Variants in OSBPL10 observed in about 807,000 individuals in gnomAD.
The protein encoded by OSBPL10 is oxysterol-binding protein-related protein 10.
In OSBPL10, 49 loss-of-function variants were observed where a neutral mutation model predicts 81.7. The observed-to-expected ratio is 0.60, with a 90% CI of 0.48 to 0.76. OSBPL10 has a LOEUF of 0.76. Among genes scored for constraint, OSBPL10 ranks in the 30% least tolerant of loss-of-function variants. The probability of loss-of-function intolerance (pLI) is 0.00; values close to 1 mark genes in which losing one functional copy is unlikely to be tolerated. For missense variants in OSBPL10, 923 were observed against 987.8 expected (o/e 0.93, Z 0.88); for synonymous variants, 419 against 383.6 (o/e 1.09, Z -1.08).
intron 2 of OSBPL10, among the ~76,000 whole-genome samples, chr3:32,019,890 A>G (rs1036228245): frequency 1.3e-5 from 2 of 152,162 alleles, no homozygotes; most frequent in East Asian, 1.9e-4. Flanking sequence ...ATAAAGTATA[A>G]CTATCAATCT....
intron 4 of OSBPL10, among the ~76,000 whole-genome samples, chr3:31,773,704 G>C (rs900248028): frequency 3.9e-5 from 6 of 152,322 alleles, no homozygotes; most frequent in African/African-American, 1.4e-4. Flanking sequence ...GAATACTCAT[G>C]AGTGTGGCTG....
intron 1 of OSBPL10, among the ~76,000 whole-genome samples, chr3:31,944,833 TAAAAAAAAAAAAAAAAAA>T (rs869140991): frequency 0.1 from 5,627 of 55,102 alleles, 334 homozygotes; most frequent in Middle Eastern, 0.13. Flanking sequence ...CCCCTCTCTT[TAAAAAAAAAAAAAAAAAA>T]AAAAAAAAAA....
At chr3:31,792,718 ACT>A (rs1699050741) in intron 4 of OSBPL10, among the ~76,000 whole-genome samples, 2 of 138,622 alleles carry the variant, frequency 1.4e-5, no homozygotes, top group South Asian at 4.7e-4. Flanking sequence ...TGTGTTTTAC[ACT>A]CTCAGCTATC....
At chr3:31,965,552 ATT>A (rs1559534901) in intron 1 of OSBPL10, among the ~76,000 whole-genome samples, 11 of 80,996 alleles carry the variant, frequency 1.4e-4, no homozygotes, top group East Asian at 1.0e-3. Context: ...TATATTATAT[ATT>A]ATATAAATTA....
intron 1 of OSBPL10, among the ~76,000 whole-genome samples, chr3:31,919,766 A>T (rs757984289): frequency 1.3e-5 from 2 of 152,218 alleles, no homozygotes; most frequent in East Asian, 3.8e-4. Context: ...AATAGCAATC[A>T]CTATCCTGGG....
intron 6 of OSBPL10, among the ~76,000 whole-genome samples, chr3:31,731,231 G>A (rs564949968): frequency 2.6e-5 from 4 of 152,022 alleles, no homozygotes; most frequent in Admixed American, 6.6e-5. Flanking sequence ...AAAAATGAGG[G>A]GAGTCTTTGC....
intron 1 of OSBPL10, chr3:31,960,265 G>A (rs947991775): frequency 6.6e-6 from 1 of 152,058 alleles, no homozygotes; most frequent in Admixed American, 6.6e-5. Flanking sequence ...TGGGCCCCTG[G>A]GTGCCAAAGG....
chr3:31,896,886 T>A (rs906860121), intron 1 of OSBPL10, among the ~76,000 whole-genome samples: 1 of 152,118 alleles, frequency 6.6e-6, no homozygotes, highest in African/African-American at 2.4e-5. Flanking sequence ...GGGTCCCTGG[T>A]TACACTTCAG....
chr3:31,872,167 T>C (rs1272717699), intron 3 of OSBPL10, among the ~76,000 whole-genome samples: 1 of 152,132 alleles, frequency 6.6e-6, no homozygotes, highest in South Asian at 2.1e-4. Flanking sequence ...CTATGTGACA[T>C]GGAGAAAAGG....
At chr3:31,771,890 C>G (rs768516816) in intron 4 of OSBPL10, among the ~76,000 whole-genome samples, 4 of 152,082 alleles carry the variant, frequency 2.6e-5, no homozygotes, top group Admixed American at 2.0e-4. Flanking sequence ...GTTATTGGGC[C>G]GCAAGAATAA....
At chr3:31,890,969 G>A (rs1283394092) in intron 1 of OSBPL10, among the ~76,000 whole-genome samples, 1 of 152,124 alleles carries the variant, frequency 6.6e-6, no homozygotes, top group Non-Finnish European at 1.5e-5. Flanking sequence ...TGGGGTAAAA[G>A]TGGGTGAGCA....
intron 1 of OSBPL10, among the ~76,000 whole-genome samples, chr3:32,052,411 C>A (rs1699676762): frequency 6.6e-6 from 1 of 152,126 alleles, no homozygotes; most frequent in African/African-American, 2.4e-5. Flanking sequence ...CATCAAGGAT[C>A]TAGAACCAGA....
chr3:31,741,086 C>A (rs113394649), intron 5 of OSBPL10, among the ~76,000 whole-genome samples: 2 of 152,094 alleles, frequency 1.3e-5, no homozygotes, highest in South Asian at 2.1e-4. Context: ...ACCTACAAGG[C>A]CCCTGCAAGG....
intron 2 of OSBPL10, among the ~76,000 whole-genome samples, chr3:32,010,734 C>T (rs1366173360): frequency 6.6e-6 from 1 of 152,222 alleles, no homozygotes; most frequent in Non-Finnish European, 1.5e-5. Context: ...AATCAGGTCA[C>T]TCCCACCCTA....
rs973469091 is a variant in OSBPL10, at chr3:31,877,365, C to T, written c.458-853G>A. On this transcript the variant is annotated intron_variant, in intron 2 of 11. Coordinates refer to ENST00000396556, the MANE Select transcript of OSBPL10 (RefSeq NM_017784.5). The stretch of plus-strand genomic sequence containing the variant: ...GATACCAAATGCTGCCTTAGAGAGC[C>T]TCAAATTTCCCCCAAAGAGATATTA... Among the ~76,000 whole-genome samples the T allele has an allele frequency of 7.2e-5, 11 of 152,210 alleles. No individual in the cohort carries two copies. In the South Asian group the frequency reaches 1.5e-3, roughly 20 times the overall value.
chr3:31,762,520 T>A (rs1003238094), intron 4 of OSBPL10, among the ~76,000 whole-genome samples: 1 of 151,852 alleles, frequency 6.6e-6, no homozygotes, highest in African/African-American at 2.4e-5. Flanking sequence ...TCACCCAGGC[T>A]GGAGTACAGT....
chr3:31,729,407 A>T, intron 6 of OSBPL10, among the ~76,000 whole-genome samples: 1 of 152,104 alleles, frequency 6.6e-6, no homozygotes, highest in East Asian at 1.9e-4. Context: ...AGGAGCAGAC[A>T]TCAGGGGCCC....
At position 32,055,069 on chromosome 3, in the gene OSBPL10, G is replaced by C. The variant is rs943032574; in HGVS notation, n.186-8466C>G. ...ATGTTCATGAATATCAAGAACAGGA[G>C]TTAACTGCATGGACTAAGCTAATAG... On this transcript the variant is annotated intron_variant and non_coding_transcript_variant, in intron 1 of 3. Coordinates refer to the OSBPL10 transcript ENST00000479173. 3.3e-5 allele frequency among the ~76,000 whole-genome samples: 5 copies of C among 151,414 alleles called. No homozygotes were observed. In the South Asian group the frequency reaches 1.0e-3, roughly 32 times the overall value.
rs140485062 is a variant in OSBPL10, at chr3:31,952,706, C to G, written c.281+28193G>C. ...ATCAGACTGACCTGTGTTAGAATGTCCCCCCAACATCAGTTGGCTCTGATA... is the reference window on the plus strand; with the variant it reads ...ATCAGACTGACCTGTGTTAGAATGTGCCCCCAACATCAGTTGGCTCTGATA... On this transcript the variant is annotated intron_variant, in intron 1 of 11. Coordinates refer to ENST00000396556, the MANE Select transcript of OSBPL10 (RefSeq NM_017784.5). Among the ~76,000 whole-genome samples the G allele has an allele frequency of 3.3e-5, 5 of 152,252 alleles. 1 individual carries two copies. In the East Asian group the frequency reaches 9.7e-4, roughly 29 times the overall value.
Sources: gnomAD v4.1 joint callset for allele counts (sites outside exome capture counted in the v4.1 genomes callset) on GRCh38, gnomAD v4.1.1 for gene constraint, MANE v1.5 for transcripts, NCBI Gene and HGNC (gene_info 2026-07-23, HGNC 2026-07-21) for gene names.